MLKL: variants seen among roughly 807,000 people sequenced by gnomAD.
MLKL encodes the protein mixed lineage kinase domain like pseudokinase, also known as mixed lineage kinase domain-like protein.
In MLKL, 55 loss-of-function variants were observed where a neutral mutation model predicts 56.5. That is an observed-to-expected ratio of 0.97 (90% confidence interval 0.78 to 1.22). The LOEUF (loss-of-function observed/expected upper bound fraction) is 1.22, where lower values mean the gene tolerates loss of function less well. Ranked by LOEUF, MLKL falls within the 50% of genes most tolerant of loss-of-function variation. The pLI, the probability that MLKL is intolerant of heterozygous loss-of-function variation, is 0.00. For missense variants in MLKL, 694 were observed against 573.9 expected (o/e 1.21, Z -2.14); for synonymous variants, 251 against 208.3 (o/e 1.20, Z -1.76).
chr16:74,692,367 T>C lies in MLKL; in HGVS notation c.510A>G (p.Lys170=), dbSNP rs1360626244. 1.9e-6 allele frequency: 3 copies of C among 1,613,746 alleles called. No homozygotes were observed. Among genetic ancestry groups the C allele is most frequent in the Non-Finnish European group, 2.5e-6 (3 of 1,179,964 alleles). Residue 170 remains lysine, a synonymous_variant, in exon 3 of 11, where the codon AAA becomes AAG. Transcript: ENST00000308807. ...ASLRRLEINM[K]EIKETLRQYL... Reference sequence around the variant, plus strand: ...ACTGCCTCAAAGTTTCCTTGATTTCTTTCATGTTGATTTCTAATCGTCTCA... The same window carrying C: ...ACTGCCTCAAAGTTTCCTTGATTTCCTTCATGTTGATTTCTAATCGTCTCA...
rs556767021 is a variant in MLKL, at chr16:74,688,116, G to A, written c.723-2533C>T. The stretch of plus-strand genomic sequence containing the variant: ...TAGGATTACAGTCGTGAGCCACTGC[G>A]CCCAGCCAACGCCCGGCTAATTTTT... On this transcript the variant is annotated intron_variant, in intron 4 of 10. Transcript: ENST00000308807. Among the ~76,000 whole-genome samples, 73 of 152,138 alleles carry A rather than the reference G, an allele frequency of 4.8e-4. 1 individual carries two copies. The highest frequency in any genetic ancestry group is 1.4e-3 in the African/African-American group (59 of 41,512).
At chr16:74,672,857 A>G (rs933123669) in intron 10 of MLKL, among the ~76,000 whole-genome samples, 2 of 152,170 alleles carry the variant, frequency 1.3e-5, no homozygotes, top group African/African-American at 4.8e-5. Flanking sequence ...GACAGAGGAG[A>G]GAGTGTAGTG....
At chr16:74,680,976 C>G (rs367969953) in intron 6 of MLKL, among the ~76,000 whole-genome samples, 27 of 152,158 alleles carry the variant, frequency 1.8e-4, no homozygotes, top group African/African-American at 6.5e-4. Context: ...CACTGGTTTT[C>G]AATTTATGGT....
At chr16:74,692,221 C>T in intron 3 of MLKL, 121 bp downstream of exon 3, 2 of 885,384 alleles carry the variant, frequency 2.3e-6, no homozygotes, top group Non-Finnish European at 1.8e-6. Context: ...CTGTGGGCTG[C>T]TTCCAGCCAT....
At chr16:74,685,443 C>G (rs999927153) in intron 5 of MLKL, 43 bp downstream of exon 5, 3 of 1,453,822 alleles carry the variant, frequency 2.1e-6, no homozygotes, top group Non-Finnish European at 9.6e-7. Context: ...GAGGTGTGTT[C>G]TAGGCCATCC....
chr16:74,690,107 G>T (rs1195706826), intron 4 of MLKL, among the ~76,000 whole-genome samples: 2 of 152,082 alleles, frequency 1.3e-5, no homozygotes, highest in African/African-American at 2.4e-5. Flanking sequence ...AAAGGGCAGA[G>T]GATATGAACA....
Position 74,675,674 on chromosome 16 carries a change from G to T in MLKL, c.1129C>A (p.Leu377Ile), listed in dbSNP as rs1401477823. The change falls in exon 8 of 11, where the codon CTC (leucine) becomes ATC (isoleucine). Residue 377 changes from leucine (L) to isoleucine (I), a missense_variant. Coordinates refer to ENST00000308807, the MANE Select transcript of MLKL (RefSeq NM_152649.4). ...ACATCTTCCAGTTCCTGAGGTGAGA[G>T]ATATGCTGTAGATTTGACTCTGTCT... ...KTDRVKSTAYLSPQELEDVFY... is the reference protein window; with the variant it reads ...KTDRVKSTAYISPQELEDVFY... The T allele has an allele frequency of 5.6e-6, 9 of 1,614,072 alleles. No homozygotes were observed. The East Asian group carries it at 2.0e-4, about 36-fold the overall frequency.
intron 3 of MLKL, among the ~76,000 whole-genome samples, chr16:74,692,071 G>C (rs970148158): frequency 2.0e-5 from 3 of 152,204 alleles, no homozygotes; most frequent in African/African-American, 7.2e-5. Context: ...TTCAGCAACT[G>C]AACTGAAGCT....
At chr16:74,687,134 C>A (rs1960379847) in intron 4 of MLKL, among the ~76,000 whole-genome samples, 1 of 152,060 alleles carries the variant, frequency 6.6e-6, no homozygotes, top group Non-Finnish European at 1.5e-5. Context: ...TGCTACCATG[C>A]CCGGCTAATT....
chr16:74,679,064 G>T lies in MLKL; in HGVS notation c.957-84C>A, dbSNP rs776138164. The stretch of plus-strand genomic sequence containing the variant: ...TGACAATCATAACTGGGCTGATGAG[G>T]CTGGACAGTACCATGGGTGCCTGTC... On this transcript the variant is annotated intron_variant, in intron 6 of 10. Coordinates refer to ENST00000308807, the MANE Select transcript of MLKL (RefSeq NM_152649.4). 4.6e-6 allele frequency: 5 copies of T among 1,086,772 alleles called. No individual in the cohort carries two copies. The African/African-American group carries it at 4.6e-5, about 10-fold the overall frequency. The allele number at this position is 1,086,772 out of a possible 1,614,324, so 67.3% of individuals were successfully genotyped here.
chr16:74,673,952 T>TAAA (rs5817923), intron 10 of MLKL, among the ~76,000 whole-genome samples: 1,243 of 104,612 alleles, frequency 0.012, 19 homozygotes, highest in African/African-American at 0.042. Flanking sequence ...ACCTCCTCTC[T>TAAA]AAAAAAAAAA....
At chr16:74,690,523 C>G (rs964254851) in intron 4 of MLKL, among the ~76,000 whole-genome samples, 35 of 152,152 alleles carry the variant, frequency 2.3e-4, no homozygotes, top group African/African-American at 8.2e-4. Flanking sequence ...ATGGCTCACG[C>G]CTGTTATCCC....
Position 74,686,214 on chromosome 16 carries a change from C to T in MLKL, c.723-631G>A, listed in dbSNP as rs574350104. Reference sequence around the variant, plus strand: ...TGGCCTCAAGTGATTTGCCTGCCTACGCCTCCCAAAGTGCTGGGATTTCAG... The same window carrying T: ...TGGCCTCAAGTGATTTGCCTGCCTATGCCTCCCAAAGTGCTGGGATTTCAG... On this transcript the variant is annotated intron_variant, in intron 4 of 10. Transcript: ENST00000308807. 1.4e-4 allele frequency among the ~76,000 whole-genome samples: 21 copies of T among 152,172 alleles called. 1 individual carries two copies. In the South Asian group the frequency reaches 1.9e-3, roughly 14 times the overall value.
Position 74,675,102 on chromosome 16 carries a change from T to G in MLKL, c.1241-2A>C. ...TGCGGATCTTCTCAGAATTACAGCCTGGAAATGATAGCATGAGAGCCTCAA... is the reference window on the plus strand; with the variant it reads ...TGCGGATCTTCTCAGAATTACAGCCGGGAAATGATAGCATGAGAGCCTCAA... On this transcript the variant is annotated splice_acceptor_variant, in intron 9 of 10. Transcript: ENST00000308807. LOFTEE classifies it high-confidence loss of function. 1 of 1,613,822 alleles carries G rather than the reference T, an allele frequency of 6.2e-7. No individual in the cohort carries two copies. The highest frequency in any genetic ancestry group is 8.5e-7 in the Non-Finnish European group (1 of 1,179,914).
chr16:74,674,432 C>T (rs934804407), intron 10 of MLKL, among the ~76,000 whole-genome samples: 4 of 151,896 alleles, frequency 2.6e-5, no homozygotes, highest in South Asian at 2.1e-4. Flanking sequence ...GGATTATAGG[C>T]ATGAGCCACC....
intron 1 of MLKL, among the ~76,000 whole-genome samples, chr16:74,700,252 G>A (rs1961307770): frequency 6.6e-6 from 1 of 151,976 alleles, no homozygotes; most frequent in Non-Finnish European, 1.5e-5. Flanking sequence ...CACTGCTACT[G>A]GGCGTCTCGC....
intron 4 of MLKL, among the ~76,000 whole-genome samples, chr16:74,690,778 T>C (rs1236768252): frequency 1.9e-4 from 15 of 80,116 alleles, no homozygotes; most frequent in Non-Finnish European, 3.3e-4. Context: ...TGAGACCTTG[T>C]CTCAAAAAAA....
At chr16:74,678,293 C>G (rs1168143912) in intron 7 of MLKL, 1 of 153,140 alleles carries the variant, frequency 6.5e-6, no homozygotes, top group Non-Finnish European at 1.5e-5. Flanking sequence ...CAAGATCCCC[C>G]ATTGTATGTT....
At chr16:74,686,982 TG>T (rs1398839916) in intron 4 of MLKL, among the ~76,000 whole-genome samples, 2 of 152,192 alleles carry the variant, frequency 1.3e-5, no homozygotes, top group African/African-American at 2.4e-5. Flanking sequence ...TTGTTTTGTT[TG>T]TTTGTTTTTT....
Sources: allele counts gnomAD v4.1 joint callset (sites outside exome capture counted in the v4.1 genomes callset), GRCh38; gene constraint gnomAD v4.1.1; transcripts MANE v1.5; gene names NCBI Gene and HGNC (gene_info 2026-07-23, HGNC 2026-07-21).